The following CTNNA2 variants were observed in gnomAD, a reference collection of about 807,000 sequenced individuals.
The protein encoded by CTNNA2 is catenin alpha 2, also known as catenin alpha-2.
In CTNNA2, 42 loss-of-function variants were observed where a neutral mutation model predicts 101.0. That is an observed-to-expected ratio of 0.42 (90% CI 0.32 to 0.54). CTNNA2 has a LOEUF of 0.54. CTNNA2 is among the 20% of genes least tolerant of loss of function. The pLI is 0.14. For missense variants in CTNNA2, 871 were observed against 1,223.1 expected (o/e 0.71, Z 4.29); for synonymous variants, 450 against 456.4 (o/e 0.99, Z 0.18).
chr2:80,581,473 A>G (rs1314847589), intron 13 of CTNNA2, among the ~76,000 whole-genome samples: 1 of 152,206 alleles, frequency 6.6e-6, no homozygotes, highest in African/African-American at 2.4e-5. Context: ...AGTTAGACTT[A>G]CTATACCTGT....
intron 7 of CTNNA2, among the ~76,000 whole-genome samples, chr2:79,978,071 C>G (rs768932221): frequency 5.3e-5 from 8 of 152,148 alleles, no homozygotes; most frequent in South Asian, 2.1e-4. Flanking sequence ...CATGAACAGG[C>G]CTTCACTGAA....
intron 7 of CTNNA2, among the ~76,000 whole-genome samples, chr2:79,918,089 C>T (rs966479906): frequency 5.5e-5 from 8 of 145,872 alleles, no homozygotes; most frequent in African/African-American, 1.3e-4. Flanking sequence ...GCCTTCATTG[C>T]GGTGAAAAAA....
chr2:80,574,260 T>C lies in CTNNA2; in HGVS notation c.1839T>C (p.Ser613=). 1 of 1,613,778 alleles carries C rather than the reference T, an allele frequency of 6.2e-7. No homozygotes were observed. The highest frequency in any genetic ancestry group is 8.5e-7 in the Non-Finnish European group (1 of 1,179,744). ...PFEENEFIDA[S]RLVYDGVRDI... ...AGGAGAATGAGTTCATCGATGCCTC[T>C]CGCCTGGTGTATGATGGCGTTCGGG... Residue 613 remains serine, a synonymous_variant, in exon 13 of 19, where the codon TCT becomes TCC. Coordinates refer to ENST00000402739, the MANE Select transcript of CTNNA2 (RefSeq NM_001282597.3).
chr2:80,412,610 A>T lies in CTNNA2; in HGVS notation c.1138-6839A>T, dbSNP rs576121660. Among the ~76,000 whole-genome samples, 4 of 152,322 alleles carry T rather than the reference A, an allele frequency of 2.6e-5. No individual in the cohort carries two copies. The South Asian group carries it at 8.3e-4, about 32-fold the overall frequency. On this transcript the variant is annotated intron_variant, in intron 8 of 18. Coordinates refer to ENST00000402739, the MANE Select transcript of CTNNA2 (RefSeq NM_001282597.3). The stretch of plus-strand genomic sequence containing the variant: ...AAACTTATTCTATGTATGTCATCTT[A>T]TCAGTTATCTATTGTCACAACAGTG...
Position 80,302,916 on chromosome 2 carries a change from A to C in CTNNA2, c.1057-90295A>C. On this transcript the variant is annotated intron_variant, in intron 7 of 18. Coordinates refer to ENST00000402739, the MANE Select transcript of CTNNA2 (RefSeq NM_001282597.3). This position sits in a 1 kb window ranked among gnomAD's most constrained non-coding sequence, Gnocchi z 6.4. Reference sequence around the variant, plus strand: ...GTGATGCTTGTCAGGGACTTCCAAGAGTTGAGGATCCGGGGCTCGATGTAG... The same window carrying C: ...GTGATGCTTGTCAGGGACTTCCAAGCGTTGAGGATCCGGGGCTCGATGTAG... The C allele has an allele frequency of 2.5e-6, 4 of 1,613,878 alleles. No homozygotes were observed. The highest frequency in any genetic ancestry group is 3.4e-6 in the Non-Finnish European group (4 of 1,179,982).
At chr2:80,128,158 A>T (rs1702236388) in intron 7 of CTNNA2, among the ~76,000 whole-genome samples, 1 of 152,174 alleles carries the variant, frequency 6.6e-6, no homozygotes, top group African/African-American at 2.4e-5. Flanking sequence ...GGTATCAGCC[A>T]CTGGCAGAAG....
intron 2 of CTNNA2, among the ~76,000 whole-genome samples, chr2:79,653,187 G>T (rs1390469258): frequency 6.6e-6 from 1 of 152,148 alleles, no homozygotes; most frequent in African/African-American, 2.4e-5. Flanking sequence ...ATCCTCTGTG[G>T]CTTGAGTCTG....
chr2:79,917,063 A>AATTT (rs1558639743), intron 7 of CTNNA2, among the ~76,000 whole-genome samples: 13 of 90,416 alleles, frequency 1.4e-4, no homozygotes, highest in Non-Finnish European at 2.6e-4. Flanking sequence ...TCTCAGCCTT[A>AATTT]TTTATTTATT....
chr2:79,583,331 T>G (rs1483765191), intron 1 of CTNNA2, among the ~76,000 whole-genome samples: 1 of 152,030 alleles, frequency 6.6e-6, no homozygotes, highest in Non-Finnish European at 1.5e-5. Flanking sequence ...TGCTAATTTC[T>G]AGAGGATGGT....
At chr2:80,003,586 C>A (rs937160323) in intron 7 of CTNNA2, among the ~76,000 whole-genome samples, 2 of 152,116 alleles carry the variant, frequency 1.3e-5, no homozygotes, top group Non-Finnish European at 2.9e-5. Context: ...CATCTGTCCT[C>A]ACCTCTTAGT....
At chr2:79,643,099 G>A (rs1199589739) in intron 1 of CTNNA2, among the ~76,000 whole-genome samples, 2 of 152,054 alleles carry the variant, frequency 1.3e-5, no homozygotes, top group Non-Finnish European at 2.9e-5. Context: ...GCTGAGGCAG[G>A]AGAATCGCTT....
intron 3 of CTNNA2, among the ~76,000 whole-genome samples, chr2:79,837,930 A>G (rs1158043917): frequency 6.6e-6 from 1 of 152,132 alleles, no homozygotes; most frequent in Non-Finnish European, 1.5e-5. Flanking sequence ...AGTTTAAACA[A>G]AAGAGACTAA....
At chr2:80,265,784 TGAGAA>T (rs1291981534) in intron 7 of CTNNA2, among the ~76,000 whole-genome samples, 1 of 152,168 alleles carries the variant, frequency 6.6e-6, no homozygotes, top group African/African-American at 2.4e-5. Flanking sequence ...AGATAACAAC[TGAGAA>T]GAGAAGAGAA....
In CTNNA2 at chr2:79,541,457, T is replaced by C. The variant is rs868689963; in HGVS notation, c.-6+28250T>C. Among the ~76,000 whole-genome samples the C allele has an allele frequency of 1.7e-3, 232 of 138,606 alleles. 1 individual carries two copies. The highest frequency in any genetic ancestry group is 4.6e-3 in the African/African-American group (173 of 37,820). The allele number at this position is 138,606 out of a possible 152,430, so 90.9% of individuals were successfully genotyped here. The stretch of plus-strand genomic sequence containing the variant: ...ATATATATATATATATATATATATA[T>C]ACACTCATATACTTGGTAAAAATAT... On this transcript the variant is annotated intron_variant, in intron 1 of 18. Coordinates refer to ENST00000402739, the MANE Select transcript of CTNNA2 (RefSeq NM_001282597.3).
At chr2:80,345,434 A>G (rs1237810669) in intron 7 of CTNNA2, among the ~76,000 whole-genome samples, 1 of 151,846 alleles carries the variant, frequency 6.6e-6, no homozygotes, top group Non-Finnish European at 1.5e-5. Context: ...CCTTGTCTGT[A>G]CTGTTCTAAA....
chr2:79,779,817 C>T (rs889647476), intron 3 of CTNNA2, among the ~76,000 whole-genome samples: 1 of 152,134 alleles, frequency 6.6e-6, no homozygotes, highest in Non-Finnish European at 1.5e-5. Context: ...CTAAGCCCCC[C>T]AGCCATCTGA....
intron 4 of CTNNA2, among the ~76,000 whole-genome samples, chr2:79,452,841 A>T (rs1276336561): frequency 6.6e-6 from 1 of 152,088 alleles, no homozygotes; most frequent in Non-Finnish European, 1.5e-5. Context: ...GAGTTCCATT[A>T]TAACTTTTAT....
intron 14 of CTNNA2, among the ~76,000 whole-genome samples, chr2:80,584,285 C>G (rs953355184): frequency 3.3e-5 from 5 of 152,024 alleles, no homozygotes; most frequent in South Asian, 4.2e-4. Flanking sequence ...GTAAATTAAT[C>G]TATAAGAAGG....
chr2:80,515,266 A>G (rs1452358654), intron 9 of CTNNA2, among the ~76,000 whole-genome samples: 1 of 152,008 alleles, frequency 6.6e-6, no homozygotes, highest in Non-Finnish European at 1.5e-5. Context: ...CATCACCAAG[A>G]GAATGCCCAG....
Sources: allele counts gnomAD v4.1 joint callset (sites outside exome capture counted in the v4.1 genomes callset), GRCh38; gene constraint gnomAD v4.1.1; non-coding constraint Gnocchi (gnomAD v3.1); transcripts MANE v1.5; gene names NCBI Gene and HGNC (gene_info 2026-07-23, HGNC 2026-07-21).